Variants in BEND4 observed in about 807,000 individuals in gnomAD.
The protein encoded by BEND4 is BEN domain containing 4, also known as BEN domain-containing protein 4.
A neutral mutation model predicts 54.7 loss-of-function variants in BEND4; 27 were observed. That is an observed-to-expected ratio of 0.49 (90% CI 0.36 to 0.68). The LOEUF (loss-of-function observed/expected upper bound fraction) is 0.68, where lower values mean the gene tolerates loss of function less well. Among genes scored for constraint, BEND4 ranks in the 30% least tolerant of loss-of-function variants. The pLI, the probability that BEND4 is intolerant of heterozygous loss-of-function variation, is 0.00. For missense variants in BEND4, 702 were observed against 697.2 expected (o/e 1.01, Z -0.08); for synonymous variants, 327 against 299.5 (o/e 1.09, Z -0.95).
At chr4:42,121,258 G>C (rs1192979343) in intron 4 of BEND4, among the ~76,000 whole-genome samples, 1 of 152,164 alleles carries the variant, frequency 6.6e-6, no homozygotes, top group Non-Finnish European at 1.5e-5. Context: ...GTGCTCTGTT[G>C]AGTTAAACAC....
intron 3 of BEND4, among the ~76,000 whole-genome samples, chr4:42,140,520 G>A (rs1294243979): frequency 6.6e-6 from 1 of 152,212 alleles, no homozygotes; most frequent in Non-Finnish European, 1.5e-5. Flanking sequence ...ATTTCAACCA[G>A]TGTCAATTCA....
intron 5 of BEND4, 129 bp from the exon 6 acceptor site, chr4:42,117,864 G>C (rs1240618987): frequency 1.1e-5 from 7 of 640,000 alleles, no homozygotes; most frequent in Middle Eastern, 4.1e-4. Context: ...GAAATCCAAC[G>C]CAATGCCATG....
At position 42,152,654 on chromosome 4, in the gene BEND4, A is replaced by T. The variant is rs1374254830; in HGVS notation, c.-356T>A. 1 of 153,600 alleles carries T rather than the reference A, an allele frequency of 6.5e-6. No homozygotes were observed. The highest frequency in any genetic ancestry group is 2.4e-5 in the African/African-American group (1 of 41,200). 9.5% of individuals were successfully genotyped at this position (153,600 alleles called of 1,614,324 possible). ...CTGCGGGCGGGGTCCGGCTTCCGAA[A>T]CGAGCTCGTGGCGCCCCCTGCATGA... On this transcript the variant is annotated 5_prime_UTR_variant, in exon 1 of 6. Coordinates refer to ENST00000502486, the MANE Select transcript of BEND4 (RefSeq NM_207406.4).
At chr4:42,147,854 A>G (rs183575636) in intron 2 of BEND4, among the ~76,000 whole-genome samples, 196 of 152,272 alleles carry the variant, frequency 1.3e-3, no homozygotes, top group African/African-American at 4.5e-3. Context: ...GAAGTAGGCA[A>G]TCAAATAGTC....
intron 3 of BEND4, 82 bp downstream of exon 3, chr4:42,143,346 T>C: frequency 2.4e-6 from 3 of 1,230,066 alleles, no homozygotes; most frequent in Non-Finnish European, 3.5e-6. Flanking sequence ...TACACATACA[T>C]GAGTACAGAA....
rs1049740909 is a variant in BEND4 at position 42,152,222 on chromosome 4, G to T, written c.-79C>A. The T allele has an allele frequency of 7.3e-4, 879 of 1,211,958 alleles. No individual in the cohort carries two copies. Among genetic ancestry groups the T allele is most frequent in the Non-Finnish European group, 8.7e-4 (843 of 967,236 alleles). The allele number at this position is 1,211,958 out of a possible 1,614,324, so 75.1% of individuals were successfully genotyped here. A position where few individuals can be genotyped will look rare whatever the true frequency, so the allele number is the denominator to read the frequency against. ...GGCTCCGAGGGTGCCTCCGCCGCCT[G>T]CCCGCCGGGTCTGCCCTGGTGCGCG... is the stretch of plus-strand genomic sequence containing the variant. On this transcript the variant is annotated 5_prime_UTR_variant, in exon 2 of 6. Transcript: ENST00000502486.
At chr4:42,133,498 T>C (rs1312962504) in intron 3 of BEND4, among the ~76,000 whole-genome samples, 1 of 152,234 alleles carries the variant, frequency 6.6e-6, no homozygotes, top group African/African-American at 2.4e-5. Context: ...CTGACACTTA[T>C]TAACCATGTG....
chr4:42,117,418 G>T lies in BEND4; in HGVS notation c.*100C>A. ...TGGCAGCTGAGAATGTGTAGACTAT[G>T]GCAGAATGACAGGCTTTGGACTCTC... On this transcript the variant is annotated 3_prime_UTR_variant, in exon 6 of 6. Transcript: ENST00000502486. 1.2e-6 allele frequency: 1 copy of T among 822,150 alleles called. No homozygotes were observed. The highest frequency in any genetic ancestry group is 1.9e-6 in the Non-Finnish European group (1 of 516,302). 50.9% of individuals were successfully genotyped at this position (822,150 alleles called of 1,614,324 possible).
rs956712107 is a variant in BEND4, at chr4:42,151,667, C to T, written c.477G>A (p.Glu159=). 5 of 1,492,434 alleles carry T rather than the reference C, an allele frequency of 3.4e-6. No homozygotes were observed. Among genetic ancestry groups the T allele is most frequent in the East Asian group, 2.9e-5 (1 of 34,776 alleles). The allele number at this position is 1,492,434 out of a possible 1,614,324, so 92.4% of individuals were successfully genotyped here. The change falls in exon 2 of 6, where the codon GAG becomes GAA. Residue 159 remains glutamate (E), a synonymous_variant. Coordinates refer to ENST00000502486, the MANE Select transcript of BEND4 (RefSeq NM_207406.4). ...GCGGAGAGTTGGTACCTGCGCTGAG[C>T]TCCAGGCTGGCGCTGTCGCTACCCG... The part of the protein sequence containing the change: ...GGTGSDSASL[E]LSAESRMILD...
chr4:42,147,327 C>T (rs776584130), intron 2 of BEND4, among the ~76,000 whole-genome samples: 2 of 152,134 alleles, frequency 1.3e-5, no homozygotes. Flanking sequence ...TAGTTTTAGC[C>T]TTCTAGACAG....
chr4:42,141,532 G>C (rs1289938877), intron 3 of BEND4, among the ~76,000 whole-genome samples: 6 of 152,142 alleles, frequency 3.9e-5, no homozygotes, highest in Non-Finnish European at 5.9e-5. Context: ...AGGAGTTCGA[G>C]ACCAGCCTGG....
chr4:42,141,887 A>T (rs887532196), intron 3 of BEND4, among the ~76,000 whole-genome samples: 1 of 152,174 alleles, frequency 6.6e-6, no homozygotes, highest in African/African-American at 2.4e-5. Flanking sequence ...ATAAATGTGT[A>T]TATTTGTGGG....
rs373680999 is a variant in BEND4, at chr4:42,117,630, C to T, written c.1493G>A (p.Arg498Gln). 6 of 1,612,440 alleles carry T rather than the reference C, an allele frequency of 3.7e-6. No homozygotes were observed. Among genetic ancestry groups the T allele is most frequent in the East Asian group, 4.5e-5 (2 of 44,856 alleles). ...GTTGTGCAGGAAAGTCCCCACCGCC[C>T]GCCCCTGTCGGGCGTGACCGACAGC... is the stretch of plus-strand genomic sequence containing the variant. ...SDAVGHARQGRAVGTFLHNGG... is the reference protein window; with the variant it reads ...SDAVGHARQGQAVGTFLHNGG... Residue 498 changes from arginine to glutamine, a missense_variant, in exon 6 of 6, where the codon CGG becomes CAG. Physicochemically the swap from Arg to Gln is conservative, Grantham distance 43. Coordinates refer to ENST00000502486, the MANE Select transcript of BEND4 (RefSeq NM_207406.4).
At position 42,115,622 on chromosome 4, in the gene BEND4, T is replaced by G. The variant is rs1282974495; in HGVS notation, c.*1896A>C. The G allele has an allele frequency of 6.6e-6, 1 of 152,192 alleles. No individual in the cohort carries two copies. The highest frequency in any genetic ancestry group is 2.4e-5 in the African/African-American group (1 of 41,456). 9.4% of individuals were successfully genotyped at this position (152,192 alleles called of 1,614,324 possible). A position where few individuals can be genotyped will look rare whatever the true frequency, so the allele number is the denominator to read the frequency against. On this transcript the variant is annotated 3_prime_UTR_variant, in exon 6 of 6. Transcript: ENST00000502486. Reference sequence around the variant, plus strand: ...AAAAACAGATGAGGCTATGGTGGTGTTTTTCTTCTAGCGAAGATGTCATGT... The same window carrying G: ...AAAAACAGATGAGGCTATGGTGGTGGTTTTCTTCTAGCGAAGATGTCATGT...
At chr4:42,121,707 T>C (rs1560575368) in intron 4 of BEND4, among the ~76,000 whole-genome samples, 2 of 152,268 alleles carry the variant, frequency 1.3e-5, no homozygotes, top group African/African-American at 2.4e-5. Flanking sequence ...TCAGCCCCGG[T>C]TGCAGTTTCA....
At chr4:42,132,044 G>A (rs892168375) in intron 3 of BEND4, among the ~76,000 whole-genome samples, 11 of 152,332 alleles carry the variant, frequency 7.2e-5, no homozygotes, top group Non-Finnish European at 1.2e-4. Flanking sequence ...TCTGGAAAAC[G>A]GAGACAGGTG....
Position 42,122,465 on chromosome 4 carries a change from G to A in BEND4, c.1147-2171C>T, listed in dbSNP as rs572287121. 2.2e-4 allele frequency among the ~76,000 whole-genome samples: 33 copies of A among 152,320 alleles called. No homozygotes were observed. The South Asian group carries it at 5.8e-3, about 27-fold the overall frequency. On this transcript the variant is annotated intron_variant, in intron 4 of 5. Coordinates refer to ENST00000502486, the MANE Select transcript of BEND4 (RefSeq NM_207406.4). ...AATAAACATTTGCTGAATGGCTGAC[G>A]CAGTAGAGCACGGGCCTCTGTGGCT...
intron 3 of BEND4, 101 bp downstream of exon 3, chr4:42,143,327 A>C: frequency 2.8e-6 from 3 of 1,086,626 alleles, no homozygotes; most frequent in Non-Finnish European, 1.3e-6. Context: ...CCACACATAC[A>C]TATACACATA....
intron 3 of BEND4, among the ~76,000 whole-genome samples, chr4:42,131,567 T>G (rs1350778413): frequency 6.6e-6 from 1 of 152,206 alleles, no homozygotes; most frequent in Non-Finnish European, 1.5e-5. Flanking sequence ...CTGGAAGGGC[T>G]TACAGGCTGG....
Sources: allele counts gnomAD v4.1 joint callset (sites outside exome capture counted in the v4.1 genomes callset), GRCh38; gene constraint gnomAD v4.1.1; transcripts MANE v1.5; gene names NCBI Gene and HGNC (gene_info 2026-07-23, HGNC 2026-07-21).